BPIFA1: variants seen among roughly 807,000 people sequenced by gnomAD.
BPIFA1 encodes the protein BPI fold-containing family A member 1.
BPIFA1 carries 24 observed loss-of-function variants against 25.1 expected under a neutral mutation model. The ratio of observed to expected loss-of-function variants is 0.96; its 90% CI spans 0.69 to 1.35. The LOEUF is 1.35. Ranked by LOEUF, BPIFA1 falls within the 40% of genes most tolerant of loss-of-function variation. BPIFA1 has a pLI of 0.00. For synonymous variants in BPIFA1, 139 were observed against 131.8 expected, an observed-to-expected ratio of 1.05 and a Z score of -0.37; for missense variants, 344 against 303.7, an observed-to-expected ratio of 1.13 and a Z score of -0.99.
chr20:33,237,885 G>C lies in BPIFA1; in HGVS notation c.160+14G>C, dbSNP rs539781988. On this transcript the variant is annotated intron_variant, in intron 2 of 8. Coordinates refer to ENST00000354297, the MANE Select transcript of BPIFA1 (RefSeq NM_130852.3). ...GCTTGACAAATGGTGAGTTTTCAGG[G>C]GTGTATGTGTGCATGTGTGTGTGTG... 2.6e-6 allele frequency: 4 copies of C among 1,555,126 alleles called. No homozygotes were observed. Among genetic ancestry groups the C allele is most frequent in the Non-Finnish European group, 3.5e-6 (4 of 1,152,160 alleles).
At chr20:33,237,029 A>G (rs1978713182) in intron 1 of BPIFA1, among the ~76,000 whole-genome samples, 1 of 152,224 alleles carries the variant, frequency 6.6e-6, no homozygotes, top group Non-Finnish European at 1.5e-5. Context: ...AAACAGTTCA[A>G]TTCTTCAGCA....
chr20:33,239,681 C>A (rs1481871431), intron 3 of BPIFA1, 122 bp from the exon 4 acceptor site: 3 of 937,340 alleles, frequency 3.2e-6, no homozygotes, highest in Non-Finnish European at 5.1e-6. Context: ...ACTCCCCTCC[C>A]ATCTCCCTAT....
intron 5 of BPIFA1, 139 bp from the exon 6 acceptor site, chr20:33,241,246 G>T: frequency 1.3e-6 from 1 of 755,814 alleles, no homozygotes; most frequent in South Asian, 1.6e-5. Context: ...CTTGCTGTTG[G>T]CCTGCACGTG....
In BPIFA1 at chr20:33,237,738, C is replaced by A; in HGVS notation, c.27C>A (p.Val9=). The A allele has an allele frequency of 6.7e-7, 1 of 1,488,200 alleles. No individual in the cohort carries two copies. The highest frequency in any genetic ancestry group is 8.9e-7 in the Non-Finnish European group (1 of 1,117,846). The allele number at this position is 1,488,200 out of a possible 1,614,324, so 92.2% of individuals were successfully genotyped here. A position where few individuals can be genotyped will look rare whatever the true frequency, so the allele number is the denominator to read the frequency against. The change falls in exon 2 of 9, where the codon GTC becomes GTA. Residue 9 remains valine (V), a synonymous_variant. Transcript: ENST00000354297. Reference sequence around the variant, plus strand: ...TGTTTCAAACTGGGGGCCTCATTGTCTTCTACGGGCTGTTAGCCCAGACCA... The same window carrying A: ...TGTTTCAAACTGGGGGCCTCATTGTATTCTACGGGCTGTTAGCCCAGACCA... The part of the protein sequence containing the change: MFQTGGLI[V]FYGLLAQTMA...
chr20:33,242,426 A>T (rs1299736332), intron 7 of BPIFA1, 61 bp from the exon 8 acceptor site: 1 of 1,582,638 alleles, frequency 6.3e-7, no homozygotes, highest in Non-Finnish European at 8.7e-7. Context: ...AGGAATATGG[A>T]CTCCTTCACG....
chr20:33,241,745 C>A (rs1197764530), intron 6 of BPIFA1, among the ~76,000 whole-genome samples: 3 of 152,188 alleles, frequency 2.0e-5, no homozygotes, highest in Non-Finnish European at 2.9e-5. Flanking sequence ...CCCTGTCCAG[C>A]CTTCTATGGC....
chr20:33,236,372 A>AT (rs1397955565), intron 1 of BPIFA1, among the ~76,000 whole-genome samples: 1 of 152,146 alleles, frequency 6.6e-6, no homozygotes. Context: ...ATTTTGATGC[A>AT]TTTTTTCTGA....
At chr20:33,242,623 G>A (rs2146503667) in intron 8 of BPIFA1, 62 bp downstream of exon 8, 1 of 1,210,274 alleles carries the variant, frequency 8.3e-7, no homozygotes, top group Non-Finnish European at 1.2e-6. Context: ...CTGGTAGAAG[G>A]CAGACGGGAG....
intron 4 of BPIFA1, 106 bp downstream of exon 4, chr20:33,240,016 C>A: frequency 2.2e-6 from 3 of 1,367,408 alleles, no homozygotes; most frequent in Non-Finnish European, 3.1e-6. Flanking sequence ...CCTGAGCCTC[C>A]AACTTCAGCT....
chr20:33,241,322 C>G lies in BPIFA1; in HGVS notation c.582-63C>G, dbSNP rs1040299263. 45 of 1,473,374 alleles carry G rather than the reference C, an allele frequency of 3.1e-5. No individual in the cohort carries two copies. The Middle Eastern group carries it at 6.9e-4, about 23-fold the overall frequency. 91.3% of individuals were successfully genotyped at this position (1,473,374 alleles called of 1,614,324 possible). On this transcript the variant is annotated intron_variant, in intron 5 of 8. Transcript: ENST00000354297. ...GAGACTGTGGGGTTCACAGTGGCCC[C>G]CTCTGGAGACTTCTCCACACCATCT... is the stretch of plus-strand genomic sequence containing the variant.
intron 7 of BPIFA1, among the ~76,000 whole-genome samples, 183 bp from the exon 8 acceptor site, chr20:33,242,304 C>A (rs1361084974): frequency 1.3e-5 from 2 of 152,164 alleles, no homozygotes; most frequent in East Asian, 3.9e-4. Flanking sequence ...CCTGCCTCAG[C>A]CCTGACACTG....
At position 33,237,692 on chromosome 20, in the gene BPIFA1, C is replaced by T; in HGVS notation, c.-15-5C>T. The T allele has an allele frequency of 7.0e-7, 1 of 1,430,648 alleles. No homozygotes were observed. 88.6% of individuals were successfully genotyped at this position (1,430,648 alleles called of 1,614,324 possible). ...GCCATGTTGGACTTGTCATTCTGGC[C>T]ACAGATACTAAGAGCAAAGATGTTT... On this transcript the variant is annotated splice_polypyrimidine_tract_variant and splice_region_variant and intron_variant, in intron 1 of 8. Coordinates refer to ENST00000354297, the MANE Select transcript of BPIFA1 (RefSeq NM_130852.3).
intron 1 of BPIFA1, among the ~76,000 whole-genome samples, chr20:33,236,263 G>A (rs141512634): frequency 1.3e-3 from 197 of 152,326 alleles, no homozygotes; most frequent in African/African-American, 4.5e-3. Context: ...TATTAATGCC[G>A]TAAATGAAAG....
At chr20:33,240,568 A>G (rs1264652162) in intron 5 of BPIFA1, among the ~76,000 whole-genome samples, 183 bp downstream of exon 5, 3 of 151,772 alleles carry the variant, frequency 2.0e-5, no homozygotes, top group Non-Finnish European at 4.4e-5. Context: ...GGATGGATGG[A>G]TGGATGGATG....
intron 1 of BPIFA1, among the ~76,000 whole-genome samples, chr20:33,236,928 C>T (rs1233356051): frequency 1.3e-5 from 2 of 152,138 alleles, no homozygotes; most frequent in Non-Finnish European, 2.9e-5. Flanking sequence ...GTGGCTGTGG[C>T]CATGCGACCC....
Position 33,238,210 on chromosome 20 carries a change from A to G in BPIFA1, c.316A>G (p.Ile106Val), listed in dbSNP as rs750695894. 4 of 1,612,260 alleles carry G rather than the reference A, an allele frequency of 2.5e-6. No individual in the cohort carries two copies. In the East Asian group the frequency reaches 8.9e-5, roughly 36 times the overall value. Residue 106 changes from isoleucine to valine, a missense_variant, in exon 3 of 9, where the codon ATT (isoleucine) becomes GTT (valine). By Grantham distance (29) the Ile-to-Val change is conservative. Transcript: ENST00000354297. ...AGTGATTCCTGGCCTGAACAACATC[A>G]TTGAGTGAGTTGTCCTAAAATAGAG... ...TSVIPGLNNI[I>V]DIKVTDPQLL...
chr20:33,236,859 T>G (rs6141897), intron 1 of BPIFA1, among the ~76,000 whole-genome samples: 50,839 of 151,992 alleles, frequency 0.33, 10,732 homozygotes, highest in African/African-American at 0.6. Flanking sequence ...CTGGTTCTTC[T>G]CATGCAATGA....
intron 8 of BPIFA1, among the ~76,000 whole-genome samples, 174 bp from the exon 9 acceptor site, chr20:33,242,933 T>C (rs1600643312): frequency 1.3e-5 from 2 of 151,902 alleles, no homozygotes. Context: ...TCACCACACA[T>C]AAGTACACGT....
intron 3 of BPIFA1, 109 bp downstream of exon 3, chr20:33,238,323 C>A: frequency 7.7e-7 from 1 of 1,306,066 alleles, no homozygotes; most frequent in Non-Finnish European, 1.0e-6. Context: ...AGCGAGGGAG[C>A]GGCCTGAAGA....
Sources: allele counts gnomAD v4.1 joint callset (sites outside exome capture counted in the v4.1 genomes callset), GRCh38; gene constraint gnomAD v4.1.1; transcripts MANE v1.5; gene names NCBI Gene and HGNC (gene_info 2026-07-23, HGNC 2026-07-21).